PPFIBP1: variants seen among roughly 807,000 people sequenced by gnomAD.
PPFIBP1 encodes the protein PPFIB scaffold protein 1, also known as liprin-beta-1.
In PPFIBP1, 112 loss-of-function variants were observed where a neutral mutation model predicts 137.8. The observed-to-expected ratio is 0.81, with a 90% CI of 0.70 to 0.95. PPFIBP1 has a LOEUF of 0.95. PPFIBP1 is among the 40% of genes least tolerant of loss of function. The pLI is 0.00. For synonymous variants in PPFIBP1, 378 were observed against 417.3 expected (o/e 0.91, Z 1.15); for missense variants, 1,083 against 1,196.6 (o/e 0.91, Z 1.40).
intron 1 of PPFIBP1, among the ~76,000 whole-genome samples, chr12:27,550,635 C>T (rs752017843): frequency 1.3e-5 from 2 of 152,074 alleles, no homozygotes; most frequent in Non-Finnish European, 2.9e-5. Flanking sequence ...GAGATTATAC[C>T]TTACTACATG....
At chr12:27,530,773 T>A (rs574852905) in intron 1 of PPFIBP1, among the ~76,000 whole-genome samples, 34 of 152,314 alleles carry the variant, frequency 2.2e-4, no homozygotes, top group African/African-American at 7.9e-4. Flanking sequence ...TCCCCAAAGC[T>A]CTTAAAAGGG....
At chr12:27,588,081 C>G (rs1256651305) in intron 2 of PPFIBP1, among the ~76,000 whole-genome samples, 1 of 152,206 alleles carries the variant, frequency 6.6e-6, no homozygotes, top group Non-Finnish European at 1.5e-5. Flanking sequence ...CTAGATTCAT[C>G]TAACTGTTGG....
chr12:27,635,005 G>A lies in PPFIBP1; in HGVS notation c.160G>A (p.Asp54Asn). 1 of 1,614,146 alleles carries A rather than the reference G, an allele frequency of 6.2e-7. No individual in the cohort carries two copies. The highest frequency in any genetic ancestry group is 8.5e-7 in the Non-Finnish European group (1 of 1,179,996). Reference sequence around the variant, plus strand: ...TTTGCGAGCTCTGCACCTTGTGGAAGACCTGCGTGGATTGTTAGAGATGAT... The same window carrying A: ...TTTGCGAGCTCTGCACCTTGTGGAAAACCTGCGTGGATTGTTAGAGATGAT... ...GSLRALHLVE[D>N]LRGLLEMMET... Residue 54 changes from aspartate (D) to asparagine (N), a missense_variant, in exon 4 of 30, where the codon GAC becomes AAC. Asp to Asn is a conservative substitution (Grantham distance 23). Coordinates refer to ENST00000228425, the MANE Select transcript of PPFIBP1 (RefSeq NM_003622.4).
rs373032362 is a variant in PPFIBP1 at position 27,672,375 on chromosome 12, A to G, written c.1263-52A>G. 22 of 1,411,488 alleles carry G rather than the reference A, an allele frequency of 1.6e-5. No individual in the cohort carries two copies. In the Middle Eastern group the frequency reaches 2.1e-3, roughly 135 times the overall value. 87.4% of individuals were successfully genotyped at this position (1,411,488 alleles called of 1,614,324 possible). A position where few individuals can be genotyped will look rare whatever the true frequency, so the allele number is the denominator to read the frequency against. Reference sequence around the variant, plus strand: ...ACTTATCTGTTCACTTAGAACATATATGGTCTTTTATTCGTGAAGTTAATA... The same window carrying G: ...ACTTATCTGTTCACTTAGAACATATGTGGTCTTTTATTCGTGAAGTTAATA... On this transcript the variant is annotated intron_variant, in intron 14 of 29. Coordinates refer to ENST00000228425, the MANE Select transcript of PPFIBP1 (RefSeq NM_003622.4).
intron 2 of PPFIBP1, among the ~76,000 whole-genome samples, chr12:27,593,129 CAAA>C (rs33939858): frequency 0.33 from 33,723 of 100,950 alleles, 4,672 homozygotes; most frequent in Middle Eastern, 0.49. Flanking sequence ...AAGAATGTCT[CAAA>C]AAAAAAAAAA....
At chr12:27,666,209 G>T (rs926057666) in intron 12 of PPFIBP1, among the ~76,000 whole-genome samples, 7 of 152,152 alleles carry the variant, frequency 4.6e-5, no homozygotes, top group Non-Finnish European at 8.8e-5. Context: ...GCATACAAAC[G>T]TGTAAATACA....
intron 2 of PPFIBP1, among the ~76,000 whole-genome samples, chr12:27,630,872 G>A (rs1010451223): frequency 2.6e-5 from 4 of 151,352 alleles, no homozygotes; most frequent in Non-Finnish European, 5.9e-5. Context: ...TTATTTATAT[G>A]CTTCAGTTTA....
chr12:27,630,377 A>T (rs1379811319), intron 2 of PPFIBP1, among the ~76,000 whole-genome samples: 1 of 152,132 alleles, frequency 6.6e-6, no homozygotes, highest in Non-Finnish European at 1.5e-5. Context: ...AACACTTATC[A>T]TTGTAAAATA....
At chr12:27,667,880 G>A (rs1219968968) in intron 13 of PPFIBP1, among the ~76,000 whole-genome samples, 1 of 152,104 alleles carries the variant, frequency 6.6e-6, no homozygotes, top group African/African-American at 2.4e-5. Context: ...TCCTAAGGGT[G>A]AGCATTCCAA....
At chr12:27,657,250 AT>A (rs1323786670) in intron 9 of PPFIBP1, 2 of 152,626 alleles carry the variant, frequency 1.3e-5, no homozygotes, top group Non-Finnish European at 2.9e-5. Context: ...AAATGCATGA[AT>A]TTGTCCAAAC....
chr12:27,648,247 G>C (rs980142188), intron 6 of PPFIBP1, among the ~76,000 whole-genome samples: 6 of 151,994 alleles, frequency 3.9e-5, no homozygotes, highest in African/African-American at 1.4e-4. Context: ...ATATGAAAAG[G>C]TGCTCAACAT....
At chr12:27,653,958 G>T (rs1318214324) in intron 7 of PPFIBP1, among the ~76,000 whole-genome samples, 1 of 152,116 alleles carries the variant, frequency 6.6e-6, no homozygotes, top group East Asian at 1.9e-4. Flanking sequence ...TAAACTTACA[G>T]TAAACTCAAT....
chr12:27,604,731 G>A (rs1390802541), intron 2 of PPFIBP1, among the ~76,000 whole-genome samples: 8 of 152,148 alleles, frequency 5.3e-5, no homozygotes, highest in Non-Finnish European at 2.9e-5. Flanking sequence ...ATCTCCTCTA[G>A]GAAGAGAGCT....
chr12:27,650,810 C>G (rs2058831297), intron 7 of PPFIBP1, among the ~76,000 whole-genome samples: 1 of 152,314 alleles, frequency 6.6e-6, no homozygotes, highest in African/African-American at 2.4e-5. Context: ...TTGGCAAGTT[C>G]TTAACCTCTC....
chr12:27,678,597 C>T (rs986997929), intron 19 of PPFIBP1, among the ~76,000 whole-genome samples: 8 of 152,100 alleles, frequency 5.3e-5, no homozygotes, highest in African/African-American at 1.2e-4. Context: ...TGGTGGCTCA[C>T]GCCTGTAATC....
At chr12:27,560,554 G>C (rs1171727685) in intron 1 of PPFIBP1, among the ~76,000 whole-genome samples, 1 of 152,192 alleles carries the variant, frequency 6.6e-6, no homozygotes, top group East Asian at 1.9e-4. Context: ...AGGACTGGCT[G>C]CATCTGTGCT....
intron 1 of PPFIBP1, among the ~76,000 whole-genome samples, chr12:27,550,226 G>A (rs1237061613): frequency 1.3e-5 from 2 of 152,196 alleles, no homozygotes; most frequent in Non-Finnish European, 2.9e-5. Flanking sequence ...AGTAATCCAA[G>A]GCTCCGGGTG....
chr12:27,670,884 T>C (rs947871702), intron 13 of PPFIBP1, among the ~76,000 whole-genome samples: 1 of 151,796 alleles, frequency 6.6e-6, no homozygotes, highest in Non-Finnish European at 1.5e-5. Flanking sequence ...GGGGTAGGCA[T>C]TGTCATTCTT....
intron 8 of PPFIBP1, among the ~76,000 whole-genome samples, chr12:27,655,832 G>C (rs1335779093): frequency 6.6e-6 from 1 of 152,188 alleles, no homozygotes; most frequent in Non-Finnish European, 1.5e-5. Flanking sequence ...AGCAAAATGT[G>C]ATGTTGAATA....
Sources: allele counts gnomAD v4.1 joint callset (sites outside exome capture counted in the v4.1 genomes callset), GRCh38; gene constraint gnomAD v4.1.1; transcripts MANE v1.5; gene names NCBI Gene and HGNC (gene_info 2026-07-23, HGNC 2026-07-21).